VKORC1L1: variants seen among roughly 807,000 people sequenced by gnomAD.
VKORC1L1 encodes vitamin K epoxide reductase complex subunit 1-like protein 1.
A neutral mutation model predicts 18.9 loss-of-function variants in VKORC1L1; 2 were observed. The observed-to-expected ratio is 0.11, with a 90% confidence interval of 0.04 to 0.33. The LOEUF is 0.33. Among genes scored for constraint, VKORC1L1 ranks in the 10% least tolerant of loss-of-function variants. The pLI is 1.00. For synonymous variants in VKORC1L1, 96 were observed against 100.0 expected (o/e 0.96, Z 0.24); for missense variants, 123 against 224.1 (o/e 0.55, Z 2.88).
Position 65,954,589 on chromosome 7 carries a change from C to T in VKORC1L1, c.*289C>T. The T allele has an allele frequency of 2.2e-6, 1 of 463,182 alleles. No individual in the cohort carries two copies. The highest frequency in any genetic ancestry group is 3.7e-6 in the Non-Finnish European group (1 of 272,482). The allele number at this position is 463,182 out of a possible 1,614,324, so 28.7% of individuals were successfully genotyped here. A position where few individuals can be genotyped will look rare whatever the true frequency, so the allele number is the denominator to read the frequency against. ...GATAAAATGTAGCCCTAGCCCCCTG[C>T]CCTCAATTGTAAAGTGAGCAACCAT... is the stretch of plus-strand genomic sequence containing the variant. On this transcript the variant is annotated 3_prime_UTR_variant, in exon 3 of 3. Coordinates refer to ENST00000360768, the MANE Select transcript of VKORC1L1 (RefSeq NM_173517.6).
At chr7:65,883,211 G>A (rs572717787) in intron 1 of VKORC1L1, among the ~76,000 whole-genome samples, 9 of 142,262 alleles carry the variant, frequency 6.3e-5, no homozygotes, top group African/African-American at 2.1e-4. Context: ...GTGCCATCTC[G>A]GCTCACTGCA....
chr7:65,915,491 A>T (rs1360526663), intron 1 of VKORC1L1, among the ~76,000 whole-genome samples: 2 of 148,922 alleles, frequency 1.3e-5, no homozygotes, highest in Admixed American at 6.7e-5. Flanking sequence ...CCTCACTGCA[A>T]CCTCCGCCTC....
chr7:65,904,996 C>G (rs1370679645), intron 1 of VKORC1L1, among the ~76,000 whole-genome samples: 1 of 151,748 alleles, frequency 6.6e-6, no homozygotes, highest in African/African-American at 2.4e-5. Flanking sequence ...CGTGTATATA[C>G]ATACACATGC....
intron 1 of VKORC1L1, among the ~76,000 whole-genome samples, chr7:65,918,669 C>T (rs1489830281): frequency 2.6e-5 from 4 of 152,078 alleles, no homozygotes; most frequent in South Asian, 2.1e-4. Context: ...TCAGTTAAGG[C>T]GAAAGCCACC....
the VKORC1L1 span, among the ~76,000 whole-genome samples, chr7:65,867,031 AC>A: frequency 6.6e-6 from 1 of 152,030 alleles, no homozygotes; most frequent in African/African-American, 2.4e-5. Context: ...TAATAAAAAT[AC>A]AAAAATTAGC....
At chr7:65,946,811 T>C (rs1015410847) in intron 1 of VKORC1L1, among the ~76,000 whole-genome samples, 2 of 152,124 alleles carry the variant, frequency 1.3e-5, no homozygotes, top group African/African-American at 4.8e-5. Context: ...AATAAATGAA[T>C]ATAATGGAAA....
rs1790338504 is a variant in VKORC1L1 at position 65,958,539 on chromosome 7, A to G, written c.*4239A>G. ...TTGGTATAAAATAAATGTAGAAGTT[A>G]CCTGTGGAAGTTGTGCTCCCATTAT... On this transcript the variant is annotated 3_prime_UTR_variant, in exon 3 of 3. Coordinates refer to ENST00000360768, the MANE Select transcript of VKORC1L1 (RefSeq NM_173517.6). The G allele has an allele frequency of 6.6e-6, 1 of 152,238 alleles. No individual in the cohort carries two copies. The highest frequency in any genetic ancestry group is 2.1e-4 in the South Asian group (1 of 4,832). 9.4% of individuals were successfully genotyped at this position (152,238 alleles called of 1,614,324 possible).
intron 2 of VKORC1L1, among the ~76,000 whole-genome samples, chr7:65,952,847 G>A (rs1790235701): frequency 7.8e-6 from 1 of 127,452 alleles, no homozygotes; most frequent in Admixed American, 1.0e-4. Context: ...GTCCACTGGT[G>A]CAATCTTATC....
At chr7:65,905,464 C>G (rs1466972119) in intron 1 of VKORC1L1, among the ~76,000 whole-genome samples, 1 of 152,040 alleles carries the variant, frequency 6.6e-6, no homozygotes, top group Non-Finnish European at 1.5e-5. Flanking sequence ...TGCCCGCCAC[C>G]ACACTCGGCT....
intron 1 of VKORC1L1, among the ~76,000 whole-genome samples, chr7:65,911,082 C>A (rs1368674605): frequency 1.3e-5 from 2 of 152,118 alleles, no homozygotes; most frequent in African/African-American, 4.8e-5. Flanking sequence ...AGGGCTCAGC[C>A]CCACTCCTGA....
At chr7:65,906,461 A>G (rs1379333036) in intron 1 of VKORC1L1, among the ~76,000 whole-genome samples, 1 of 152,156 alleles carries the variant, frequency 6.6e-6, no homozygotes, top group Non-Finnish European at 1.5e-5. Context: ...ATGTGGGAGT[A>G]ATCTCTAGAC....
Position 65,873,287 on chromosome 7 carries a change from C to G in VKORC1L1, c.-85C>G. 9.8e-7 allele frequency: 1 copy of G among 1,021,262 alleles called. No individual in the cohort carries two copies. Among genetic ancestry groups the G allele is most frequent in the Non-Finnish European group, 1.2e-6 (1 of 856,300 alleles). The allele number at this position is 1,021,262 out of a possible 1,614,324, so 63.3% of individuals were successfully genotyped here. A position where few individuals can be genotyped will look rare whatever the true frequency, so the allele number is the denominator to read the frequency against. Reference sequence around the variant, plus strand: ...GCGGCGGCGGCGGAGGCGGCGGTGGCGGCGGTGGCGGCTGGGTCGGGCCCC... The same window carrying G: ...GCGGCGGCGGCGGAGGCGGCGGTGGGGGCGGTGGCGGCTGGGTCGGGCCCC... On this transcript the variant is annotated 5_prime_UTR_variant, in exon 1 of 3. Transcript: ENST00000360768.
At chr7:65,895,480 AAT>A (rs1162173957) in intron 1 of VKORC1L1, among the ~76,000 whole-genome samples, 856 of 42,668 alleles carry the variant, frequency 0.02, 14 homozygotes, top group Admixed American at 0.03. Context: ...AAAAAAAAAA[AAT>A]ATATATATAT....
At position 65,947,144 on chromosome 7, in the gene VKORC1L1, A is replaced by G. The variant is rs796793008; in HGVS notation, c.195-1527A>G. On this transcript the variant is annotated intron_variant, in intron 1 of 2. Coordinates refer to ENST00000360768, the MANE Select transcript of VKORC1L1 (RefSeq NM_173517.6). ...GAGGAACATCCTGTCTCAAAAAAAC[A>G]AAACAAAACAAAACAAACAAAAAGG... 5.4e-4 allele frequency among the ~76,000 whole-genome samples: 82 copies of G among 150,846 alleles called. 1 individual carries two copies. Among genetic ancestry groups the G allele is most frequent in the African/African-American group, 2.0e-3 (81 of 40,990 alleles).
intron 1 of VKORC1L1, among the ~76,000 whole-genome samples, chr7:65,876,172 A>G (rs1788824200): frequency 6.6e-6 from 1 of 152,204 alleles, no homozygotes; most frequent in Non-Finnish European, 1.5e-5. Flanking sequence ...ATAACACACC[A>G]CTATCTCCTG....
At chr7:65,894,815 G>A (rs925186220) in intron 1 of VKORC1L1, among the ~76,000 whole-genome samples, 1 of 152,218 alleles carries the variant, frequency 6.6e-6, no homozygotes, top group Non-Finnish European at 1.5e-5. Flanking sequence ...GGAGGGCAAG[G>A]CAGGAGGATC....
At position 65,957,699 on chromosome 7, in the gene VKORC1L1, G is replaced by C. The variant is rs1430238544; in HGVS notation, c.*3399G>C. 1.3e-5 allele frequency: 2 copies of C among 152,138 alleles called. No homozygotes were observed. The highest frequency in any genetic ancestry group is 4.8e-5 in the African/African-American group (2 of 41,396). The allele number at this position is 152,138 out of a possible 1,614,324, so 9.4% of individuals were successfully genotyped here. A position where few individuals can be genotyped will look rare whatever the true frequency, so the allele number is the denominator to read the frequency against. On this transcript the variant is annotated 3_prime_UTR_variant, in exon 3 of 3. Transcript: ENST00000360768. Reference sequence around the variant, plus strand: ...AATACAAAAATTAGCTGGGCATGGTGGCGGCACCTGTAATGCCAGCTCCTC... The same window carrying C: ...AATACAAAAATTAGCTGGGCATGGTCGCGGCACCTGTAATGCCAGCTCCTC...
chr7:65,944,916 CAAAA>C (rs376538691), intron 1 of VKORC1L1, among the ~76,000 whole-genome samples: 2 of 74,974 alleles, frequency 2.7e-5, no homozygotes, highest in Admixed American at 1.4e-4. Flanking sequence ...GACCCCGTCT[CAAAA>C]AAAAAAAAAA....
At chr7:65,934,133 T>A (rs1789902722) in intron 1 of VKORC1L1, among the ~76,000 whole-genome samples, 2 of 152,138 alleles carry the variant, frequency 1.3e-5, no homozygotes, top group South Asian at 4.1e-4. Context: ...TGGTGGCTCA[T>A]GCCTGTAATC....
Sources: gnomAD v4.1 joint callset for allele counts (sites outside exome capture counted in the v4.1 genomes callset) on GRCh38, gnomAD v4.1.1 for gene constraint, MANE v1.5 for transcripts, NCBI Gene and HGNC (gene_info 2026-07-23, HGNC 2026-07-21) for gene names.